The following OARD1 variants were observed in gnomAD, a reference collection of about 807,000 sequenced individuals.
OARD1 encodes the protein O-acyl-ADP-ribose deacylase 1, also known as ADP-ribose glycohydrolase OARD1.
A neutral mutation model predicts 19.7 loss-of-function variants in OARD1; 19 were observed. The ratio of observed to expected loss-of-function variants is 0.96; its 90% CI spans 0.67 to 1.41. The LOEUF (loss-of-function observed/expected upper bound fraction) is 1.41, where lower values mean the gene tolerates loss of function less well. Ranked by LOEUF, OARD1 falls within the 40% of genes most tolerant of loss-of-function variation. The probability of loss-of-function intolerance (pLI) is 0.00; values close to 1 mark genes in which losing one functional copy is unlikely to be tolerated. For synonymous variants in OARD1, 70 were observed against 61.8 expected, an observed-to-expected ratio of 1.13 and a Z score of -0.62; for missense variants, 190 against 183.8, an observed-to-expected ratio of 1.03 and a Z score of -0.20.
chr6:41,080,285 A>T (rs916237825), intron 1 of OARD1, among the ~76,000 whole-genome samples: 2 of 152,168 alleles, frequency 1.3e-5, no homozygotes. Context: ...CCCCATCTCA[A>T]AATAAGTACA....
At chr6:41,085,103 G>A (rs1285934278) in intron 1 of OARD1, among the ~76,000 whole-genome samples, 1 of 152,092 alleles carries the variant, frequency 6.6e-6, no homozygotes, top group Non-Finnish European at 1.5e-5. Context: ...TGGATGTGGA[G>A]AAAAAGAATT....
intron 1 of OARD1, among the ~76,000 whole-genome samples, chr6:41,087,452 C>T (rs1764078690): frequency 6.6e-6 from 1 of 151,920 alleles, no homozygotes; most frequent in Non-Finnish European, 1.5e-5. Flanking sequence ...CAAGGTGGTC[C>T]CAAGTTGAAA....
intron 1 of OARD1, among the ~76,000 whole-genome samples, chr6:41,096,416 A>T (rs752735395): frequency 2.0e-5 from 3 of 152,232 alleles, no homozygotes; most frequent in Non-Finnish European, 2.9e-5. Flanking sequence ...TGCTAACAAT[A>T]TGATCTTGGT....
intron 1 of OARD1, chr6:41,083,900 T>G: frequency 1.4e-6 from 1 of 701,850 alleles, no homozygotes; most frequent in Non-Finnish European, 2.2e-6. Context: ...TAAAGATAAC[T>G]TGAGGACTTG....
At chr6:41,094,297 C>A in intron 1 of OARD1, 2 of 981,926 alleles carry the variant, frequency 2.0e-6, no homozygotes, top group Non-Finnish European at 1.6e-6. Flanking sequence ...GACTTTGATC[C>A]CAGCTGTCTT....
chr6:41,091,719 T>C, intron 1 of OARD1: 3 of 1,602,720 alleles, frequency 1.9e-6, no homozygotes, highest in Non-Finnish European at 2.6e-6. Flanking sequence ...TTTTCAGCTT[T>C]GTCTTTGAAA....
chr6:41,082,690 G>C (rs2113798241), intron 1 of OARD1, among the ~76,000 whole-genome samples: 1 of 152,258 alleles, frequency 6.6e-6, no homozygotes, highest in South Asian at 2.1e-4. Context: ...ATTTTAAATA[G>C]TTATTTTGGT....
intron 1 of OARD1, 121 bp from the exon 2 acceptor site, chr6:41,071,796 G>C: frequency 1.6e-6 from 1 of 629,712 alleles, no homozygotes; most frequent in Non-Finnish European, 2.9e-6. Flanking sequence ...ATGTGAGTTT[G>C]TTCGGCCCCT....
intron 2 of OARD1, 23 bp downstream of exon 2, chr6:41,071,573 A>G (rs200507230): frequency 1.3e-5 from 20 of 1,597,558 alleles, no homozygotes; most frequent in East Asian, 4.5e-5. Context: ...CAGTTCACCA[A>G]TAAGTCAATA....
At chr6:41,071,353 T>C in intron 2 of OARD1, 77 bp from the exon 3 acceptor site, 2 of 1,432,454 alleles carry the variant, frequency 1.4e-6, no homozygotes, top group South Asian at 1.2e-5. Context: ...GTATTTTGTG[T>C]CCCCCACGAC....
Position 41,065,487 on chromosome 6 carries a change from T to C in OARD1, c.*1848A>G, listed in dbSNP as rs1008938250. The stretch of plus-strand genomic sequence containing the variant: ...ATTTTAAGTTTCTTTAAGTTTCTTA[T>C]CCCCCACTCTCACTTTCAATTTTGT... On this transcript the variant is annotated 3_prime_UTR_variant, in exon 6 of 6. Transcript: ENST00000424266. 6.6e-6 allele frequency: 1 copy of C among 152,176 alleles called. No homozygotes were observed. The highest frequency in any genetic ancestry group is 2.4e-5 in the African/African-American group (1 of 41,428). 9.4% of individuals were successfully genotyped at this position (152,176 alleles called of 1,614,324 possible).
rs1376926682 is a variant in OARD1, at chr6:41,090,104, ACT to A, written c.-42+7607_-42+7608del. The A allele has an allele frequency of 3.5e-5, 27 of 764,708 alleles. No homozygotes were observed. In the East Asian group the frequency reaches 7.0e-4, roughly 20 times the overall value. The allele number at this position is 764,708 out of a possible 1,614,324, so 47.4% of individuals were successfully genotyped here. On this transcript the variant is annotated intron_variant, in intron 1 of 4. Coordinates refer to the OARD1 transcript ENST00000480585. ...CACTCCAGCCTGGCGACAGAGTGAG[ACT>A]CTGTCTCAAAAAAATAATTTTTTTT...
intron 1 of OARD1, among the ~76,000 whole-genome samples, chr6:41,080,459 AT>A (rs1763875232): frequency 6.6e-6 from 1 of 152,052 alleles, no homozygotes; most frequent in Non-Finnish European, 1.5e-5. Context: ...AAACCTAATC[AT>A]TTTTTTCTTG....
chr6:41,094,255 C>T lies in OARD1; in HGVS notation c.-42+3458G>A, dbSNP rs941404006. On this transcript the variant is annotated intron_variant, in intron 1 of 4. Coordinates refer to the OARD1 transcript ENST00000480585. The stretch of plus-strand genomic sequence containing the variant: ...TACTAGGTGTTTTCTCCAAAGCTTC[C>T]ATCGTCATTCTAAGTCATAATTGTC... The T allele has an allele frequency of 5.0e-5, 32 of 646,108 alleles. No homozygotes were observed. In the African/African-American group the frequency reaches 5.5e-4, roughly 11 times the overall value. The allele number at this position is 646,108 out of a possible 1,614,324, so 40.0% of individuals were successfully genotyped here. A position where few individuals can be genotyped will look rare whatever the true frequency, so the allele number is the denominator to read the frequency against.
At chr6:41,080,206 C>G (rs537557362) in intron 1 of OARD1, among the ~76,000 whole-genome samples, 1 of 152,218 alleles carries the variant, frequency 6.6e-6, no homozygotes, top group African/African-American at 2.4e-5. Flanking sequence ...CCCAGCTACT[C>G]TGGAGGCTGA....
At chr6:41,089,903 A>C (rs963407572) in intron 1 of OARD1, among the ~76,000 whole-genome samples, 6 of 152,138 alleles carry the variant, frequency 3.9e-5, no homozygotes, top group Non-Finnish European at 5.9e-5. Context: ...GCTGATCACA[A>C]GGTCAAGAGA....
At chr6:41,074,148 C>CT (rs1255250801), upstream of OARD1, among the ~76,000 whole-genome samples, 1 of 152,038 alleles carries the variant, frequency 6.6e-6, no homozygotes, top group African/African-American at 2.4e-5. Flanking sequence ...TTCTATGTTA[C>CT]TTTGTGTCAG....
chr6:41,089,687 G>T, intron 1 of OARD1: 1 of 1,612,562 alleles, frequency 6.2e-7, no homozygotes, highest in Non-Finnish European at 8.5e-7. Flanking sequence ...GCCCCAGACG[G>T]CTGTCACTGC....
intron 1 of OARD1, among the ~76,000 whole-genome samples, chr6:41,078,471 G>A (rs573247697): frequency 6.2e-4 from 85 of 136,958 alleles, no homozygotes; most frequent in Middle Eastern, 7.1e-3. Flanking sequence ...ATGAATTGCC[G>A]ATTGCTAACT....
Sources: allele counts gnomAD v4.1 joint callset (sites outside exome capture counted in the v4.1 genomes callset), GRCh38; gene constraint gnomAD v4.1.1; transcripts MANE v1.5; gene names NCBI Gene and HGNC (gene_info 2026-07-23, HGNC 2026-07-21).